The following DNAH5 variants were observed in gnomAD, a reference collection of about 807,000 sequenced individuals.
DNAH5 encodes the protein dynein axonemal heavy chain 5, also known as axonemal beta dynein heavy chain 5.
A neutral mutation model predicts 518.2 loss-of-function variants in DNAH5; 372 were observed. The ratio of observed to expected loss-of-function variants is 0.72; its 90% confidence interval spans 0.66 to 0.78. The LOEUF is 0.78. Ranked by LOEUF, DNAH5 falls within the 30% of genes least tolerant of loss-of-function variation. The pLI, the probability that DNAH5 is intolerant of heterozygous loss-of-function variation, is 0.00. For missense variants in DNAH5, 5,523 were observed against 5,687.0 expected (o/e 0.97, Z 0.93); for synonymous variants, 2,039 against 2,025.9 (o/e 1.01, Z -0.17).
At chr5:13,864,281 A>AGGAGAAGAG in intron 28 of DNAH5, 116 bp downstream of exon 28, 1 of 1,404,940 alleles carries the variant, frequency 7.1e-7, no homozygotes, top group Admixed American at 1.7e-5. Context: ...GCTGAATGCC[A>AGGAGAAGAG]GGAGAAGAGT....
intron 47 of DNAH5, among the ~76,000 whole-genome samples, chr5:13,803,722 C>T (rs1189838209): frequency 6.6e-6 from 1 of 152,152 alleles, no homozygotes; most frequent in African/African-American, 2.4e-5. Flanking sequence ...GGATTTTCTG[C>T]AAACACAGGG....
chr5:13,922,909 C>A (rs540322583), intron 4 of DNAH5, among the ~76,000 whole-genome samples: 1 of 151,530 alleles, frequency 6.6e-6, no homozygotes, highest in Non-Finnish European at 1.5e-5. Context: ...TGTACAGATG[C>A]ATTTTACTTT....
chr5:13,729,557 C>T lies in DNAH5; in HGVS notation c.11765G>A (p.Gly3922Asp), dbSNP rs753933706. The T allele has an allele frequency of 3.1e-6, 5 of 1,611,024 alleles. No individual in the cohort carries two copies. Among genetic ancestry groups the T allele is most frequent in the Middle Eastern group, 1.6e-4 (1 of 6,062 alleles). Residue 3922 changes from glycine (G) to aspartate (D), a missense_variant, in exon 69 of 79, where the codon GGT (glycine) becomes GAT (aspartate). Physicochemically the swap from Gly to Asp is moderately conservative, Grantham distance 94. Coordinates refer to ENST00000265104, the MANE Select transcript of DNAH5 (RefSeq NM_001369.3). The stretch of plus-strand genomic sequence containing the variant: ...ACAAGCTTTAAGGTCTAATGAGGCA[C>T]CTCCTTTAAAATTAAATATTAAATT... Reference protein sequence around the residue: ...HEEFLTLIKGGASLDLKACPP... With the variant: ...HEEFLTLIKGDASLDLKACPP...
chr5:13,930,196 T>A (rs1275223923), intron 2 of DNAH5, among the ~76,000 whole-genome samples: 1 of 152,144 alleles, frequency 6.6e-6, no homozygotes, highest in Non-Finnish European at 1.5e-5. Context: ...CAGGAAGGAA[T>A]GAAGCCAGTG....
intron 61 of DNAH5, among the ~76,000 whole-genome samples, chr5:13,756,884 G>A (rs1481235564): frequency 6.6e-6 from 1 of 152,130 alleles, no homozygotes; most frequent in Non-Finnish European, 1.5e-5. Flanking sequence ...AGGCCCCAGT[G>A]TGTGTTGTTT....
chr5:13,921,288 C>T (rs76554894), intron 5 of DNAH5, among the ~76,000 whole-genome samples: 273 of 152,208 alleles, frequency 1.8e-3, no homozygotes, highest in African/African-American at 6.3e-3. Flanking sequence ...CCAATCCCAG[C>T]AGGATCAGCA....
intron 17 of DNAH5, among the ~76,000 whole-genome samples, chr5:13,886,857 A>T (rs1772513348): frequency 6.6e-6 from 1 of 152,210 alleles, no homozygotes; most frequent in Non-Finnish European, 1.5e-5. Context: ...TATAATGGTG[A>T]TATAGTAGAA....
chr5:13,727,057 C>T (rs1375220312), intron 70 of DNAH5, among the ~76,000 whole-genome samples: 2 of 152,194 alleles, frequency 1.3e-5, no homozygotes, highest in African/African-American at 4.8e-5. Flanking sequence ...TGACATTTTT[C>T]TGGGGAAATG....
chr5:13,851,479 TTTTTA>T (rs1480291275), intron 30 of DNAH5, among the ~76,000 whole-genome samples: 10 of 151,994 alleles, frequency 6.6e-5, no homozygotes, highest in Admixed American at 2.0e-4. Flanking sequence ...AGCTAAATTT[TTTTTA>T]TTTTTTGTAG....
At chr5:13,789,607 T>G (rs777146667) in intron 50 of DNAH5, among the ~76,000 whole-genome samples, 7 of 152,232 alleles carry the variant, frequency 4.6e-5, no homozygotes, top group Non-Finnish European at 7.4e-5. Flanking sequence ...TTACTAATGA[T>G]AGAATGCTAT....
intron 2 of DNAH5, among the ~76,000 whole-genome samples, chr5:13,929,830 C>T (rs1378217006): frequency 2.0e-5 from 3 of 152,206 alleles, no homozygotes; most frequent in Non-Finnish European, 2.9e-5. Flanking sequence ...GCTTCTTCCC[C>T]TTGCATATTC....
At chr5:13,855,067 A>G (rs1025926995) in intron 30 of DNAH5, among the ~76,000 whole-genome samples, 1 of 152,154 alleles carries the variant, frequency 6.6e-6, no homozygotes, top group East Asian at 1.9e-4. Context: ...ATTTAACTTA[A>G]TTTTAAGTAA....
At chr5:13,862,860 A>ATG (rs371351600) in intron 28 of DNAH5, 113 bp from the exon 29 acceptor site, 95 of 292,966 alleles carry the variant, frequency 3.2e-4, no homozygotes, top group South Asian at 1.2e-3. Context: ...ATAAATATAT[A>ATG]TATAAACTTT....
At chr5:13,780,378 G>A (rs1448487505) in intron 53 of DNAH5, among the ~76,000 whole-genome samples, 3 of 152,156 alleles carry the variant, frequency 2.0e-5, no homozygotes, top group Non-Finnish European at 4.4e-5. Flanking sequence ...CTGATGATAC[G>A]GCTAGATTCA....
At chr5:13,703,157 C>T (rs1222995362) in intron 76 of DNAH5, among the ~76,000 whole-genome samples, 25 of 152,112 alleles carry the variant, frequency 1.6e-4, no homozygotes, top group South Asian at 2.1e-4. Flanking sequence ...CCACCCCACA[C>T]CCTCTACCCA....
At chr5:14,011,631 C>T (rs1043022219) in intron 1 of DNAH5, among the ~76,000 whole-genome samples, 3 of 152,220 alleles carry the variant, frequency 2.0e-5, no homozygotes, top group African/African-American at 7.2e-5. Flanking sequence ...GCCGCGTGGC[C>T]CGAGCGCGCA....
Position 13,919,255 on chromosome 5 carries a change from T to C in DNAH5, c.896A>G (p.Tyr299Cys), listed in dbSNP as rs1324752231. The C allele has an allele frequency of 3.7e-6, 6 of 1,613,966 alleles. No homozygotes were observed. Among genetic ancestry groups the C allele is most frequent in the Non-Finnish European group, 5.1e-6 (6 of 1,180,008 alleles). ...HWKKRLSKFN[Y>C]LLEQLKSPDV... ...CGGGCTTTTCAATTGTTCCAAAAGG[T>C]AGTTAAACTTGGAGAGTCTTTTTTT... Residue 299 changes from tyrosine (Y) to cysteine (C), a missense_variant, in exon 7 of 79, where the codon TAC becomes TGC. Transcript: ENST00000265104.
In DNAH5 at chr5:13,866,300, A is replaced by G. The variant is rs1245185392; in HGVS notation, c.4054-18T>C. 1 of 1,608,368 alleles carries G rather than the reference A, an allele frequency of 6.2e-7. No individual in the cohort carries two copies. Among genetic ancestry groups the G allele is most frequent in the Non-Finnish European group, 8.5e-7 (1 of 1,176,314 alleles). ...GGACCATTCTGAACAAAAAGTAAAA[A>G]AAGAAAAATAGAAGGAAGTGTTTGC... On this transcript the variant is annotated intron_variant, in intron 25 of 78. Coordinates refer to ENST00000265104, the MANE Select transcript of DNAH5 (RefSeq NM_001369.3).
rs780992579 is a variant in DNAH5 at position 13,916,396 on chromosome 5, G to T, written c.1149C>A (p.Ile383=). 4.5e-6 allele frequency: 7 copies of T among 1,547,524 alleles called. No homozygotes were observed. Among genetic ancestry groups the T allele is most frequent in the Non-Finnish European group, 6.2e-6 (7 of 1,121,886 alleles). ...TCTCAGAGGTATTATAGTAATGAGA[G>T]ATACTATAGATCATTTTAATTGCAT... is the stretch of plus-strand genomic sequence containing the variant. ...LINAIKMIYS[I]SHYYNTSEKI... The change falls in exon 9 of 79, where the codon ATC becomes ATA. Residue 383 remains isoleucine, a synonymous_variant. Coordinates refer to ENST00000265104, the MANE Select transcript of DNAH5 (RefSeq NM_001369.3).
Sources: allele counts gnomAD v4.1 joint callset (sites outside exome capture counted in the v4.1 genomes callset), GRCh38; gene constraint gnomAD v4.1.1; transcripts MANE v1.5; gene names NCBI Gene and HGNC (gene_info 2026-07-23, HGNC 2026-07-21).